The following RBM45 variants were observed in gnomAD, a reference collection of about 807,000 sequenced individuals.
RBM45 encodes the protein RNA binding motif protein 45.
Under a neutral mutation model 58.5 loss-of-function variants are expected in RBM45, and 39 were observed. The ratio of observed to expected loss-of-function variants is 0.67; its 90% confidence interval spans 0.52 to 0.87. The LOEUF (loss-of-function observed/expected upper bound fraction) is 0.87, where lower values mean the gene tolerates loss of function less well. Among genes scored for constraint, RBM45 ranks in the 40% least tolerant of loss-of-function variants. The pLI is 0.00. For synonymous variants in RBM45, 193 were observed against 203.0 expected, an observed-to-expected ratio of 0.95 and a Z score of 0.42; for missense variants, 481 against 581.6, an observed-to-expected ratio of 0.83 and a Z score of 1.78.
chr2:178,137,301 G>T (rs1004727863), exon 4 of RBM45: 2 of 152,138 alleles, frequency 1.3e-5, no homozygotes, highest in Non-Finnish European at 2.9e-5. Context: ...TGGCTCAACC[G>T]CTTGGGAAAA....
At chr2:178,125,828 A>G in intron 8 of RBM45, 156 bp from the exon 9 acceptor site, 1 of 715,806 alleles carries the variant, frequency 1.4e-6, no homozygotes, top group East Asian at 2.7e-5. Context: ...CTGAATGAGA[A>G]TGAATAGAAT....
At chr2:178,118,026 C>A in intron 2 of RBM45, 29 bp from the exon 3 acceptor site, 1 of 1,518,362 alleles carries the variant, frequency 6.6e-7, no homozygotes, top group Non-Finnish European at 8.9e-7. Context: ...TTTTAAGTCC[C>A]CTAAAATCAT....
chr2:178,126,291 A>G, intron 9 of RBM45, 107 bp downstream of exon 9: 1 of 590,534 alleles, frequency 1.7e-6, no homozygotes, highest in Non-Finnish European at 2.7e-6. Context: ...AGAAGTTGTC[A>G]GTTAAAAGAG....
chr2:178,115,779 A>C (rs2087765189), intron 1 of RBM45, among the ~76,000 whole-genome samples: 1 of 152,122 alleles, frequency 6.6e-6, no homozygotes, highest in Admixed American at 6.6e-5. Flanking sequence ...TCTTCAAATT[A>C]CTCTGGCTAA....
chr2:178,123,731 C>T (rs1291227970), intron 6 of RBM45, 80 bp downstream of exon 6: 22 of 1,587,790 alleles, frequency 1.4e-5, no homozygotes, highest in South Asian at 3.5e-5. Flanking sequence ...AAAATAGAAA[C>T]AATTGACCTC....
At chr2:178,135,297 T>C (rs2088036528) in intron 3 of RBM45, among the ~76,000 whole-genome samples, 2 of 152,114 alleles carry the variant, frequency 1.3e-5, no homozygotes, top group African/African-American at 4.8e-5. Flanking sequence ...GAGCCAACAG[T>C]GGCAAAAAAA....
chr2:178,123,917 G>A lies in RBM45; in HGVS notation c.1068+5G>A, dbSNP rs764994490. Reference sequence around the variant, plus strand: ...CCAAGTCAGCAACAATTTATGGTAAGTAGGTAAGAATTTAACCTTTATAAT... The same window carrying A: ...CCAAGTCAGCAACAATTTATGGTAAATAGGTAAGAATTTAACCTTTATAAT... On this transcript the variant is annotated splice_donor_5th_base_variant and intron_variant, in intron 7 of 9. Transcript: ENST00000286070. 1 of 1,611,454 alleles carries A rather than the reference G, an allele frequency of 6.2e-7. No homozygotes were observed. The highest frequency in any genetic ancestry group is 1.7e-5 in the Admixed American group (1 of 59,988).
intron 9 of RBM45, among the ~76,000 whole-genome samples, chr2:178,126,652 TA>T (rs1242141772): frequency 6.6e-6 from 1 of 152,214 alleles, no homozygotes; most frequent in Non-Finnish European, 1.5e-5. Flanking sequence ...TCAAATAATA[TA>T]TCATTTTTGG....
chr2:178,121,035 C>T (rs200032467), intron 4 of RBM45, 145 bp from the exon 5 acceptor site: 2 of 439,952 alleles, frequency 4.5e-6, no homozygotes, highest in African/African-American at 2.0e-5. Flanking sequence ...TTAGTCCCAT[C>T]GGTAGTTCTG....
intron 2 of RBM45, among the ~76,000 whole-genome samples, chr2:178,117,086 G>T (rs1399776744): frequency 2.0e-5 from 3 of 152,028 alleles, no homozygotes; most frequent in Admixed American, 6.6e-5. Context: ...TAATTGTTTT[G>T]AATTGTAGTT....
At chr2:178,136,109 G>A (rs1416268605) in intron 3 of RBM45, among the ~76,000 whole-genome samples, 1 of 152,178 alleles carries the variant, frequency 6.6e-6, no homozygotes, top group Non-Finnish European at 1.5e-5. Context: ...AGGAGATCGA[G>A]ACCATCCTGG....
chr2:178,134,404 A>G (rs1255214740), downstream of RBM45, among the ~76,000 whole-genome samples: 2 of 152,216 alleles, frequency 1.3e-5, no homozygotes, highest in Admixed American at 6.5e-5. Flanking sequence ...CTGTGAAACT[A>G]CGTTCTCTGA....
chr2:178,117,899 CATATTTGCAAATACAAATATGCAATAT>C (rs148604345), intron 2 of RBM45, among the ~76,000 whole-genome samples, 129 bp from the exon 3 acceptor site: 7,822 of 152,210 alleles, frequency 0.051, 277 homozygotes, highest in Middle Eastern at 0.075. Context: ...ATGAAATAAG[CATATTTGCAAATACAAATATGCAATAT>C]CTGCATATTT....
At chr2:178,134,169 C>T (rs190230698), downstream of RBM45, among the ~76,000 whole-genome samples, 293 of 152,228 alleles carry the variant, frequency 1.9e-3, 1 homozygote, top group Non-Finnish European at 2.8e-3. Context: ...GCTAGCTAAC[C>T]TAGGCTATAC....
chr2:178,124,540 G>T (rs908148652), intron 8 of RBM45, among the ~76,000 whole-genome samples: 1 of 152,198 alleles, frequency 6.6e-6, no homozygotes, highest in Non-Finnish European at 1.5e-5. Context: ...TGGGCCTGGT[G>T]CAGTGGCTCA....
In RBM45 at chr2:178,118,213, T is replaced by C. The variant is rs767379091; in HGVS notation, c.550+32T>C. The C allele has an allele frequency of 2.0e-5, 31 of 1,560,870 alleles. No homozygotes were observed. In the East Asian group the frequency reaches 6.3e-4, roughly 32 times the overall value. On this transcript the variant is annotated intron_variant, in intron 3 of 9. Coordinates refer to ENST00000286070, the MANE Select transcript of RBM45 (RefSeq NM_152945.4). Reference sequence around the variant, plus strand: ...ATGTGTTTAACATTGTTAAAAACTTTTGTAAAAAATTCTGATTATTCTAAA... The same window carrying C: ...ATGTGTTTAACATTGTTAAAAACTTCTGTAAAAAATTCTGATTATTCTAAA...
rs775074685 is a variant in RBM45 at position 178,112,584 on chromosome 2, T to C, written c.38T>C (p.Phe13Ser). 4.6e-5 allele frequency: 74 copies of C among 1,600,706 alleles called. No individual in the cohort carries two copies. The highest frequency in any genetic ancestry group is 5.9e-5 in the Non-Finnish European group (69 of 1,173,998). The change falls in exon 1 of 10, where the codon TTC (phenylalanine) becomes TCC (serine). Residue 13 changes from phenylalanine to serine, a missense_variant. Coordinates refer to ENST00000286070, the MANE Select transcript of RBM45 (RefSeq NM_152945.4). ...GGCAGCTCTGCGAGCGGCGGGGGCT[T>C]CCGCCCGGGCGTGGACAGCCTGGAC... The part of the protein sequence containing the change: ...EAGSSASGGG[F>S]RPGVDSLDEP...
intron 9 of RBM45, 35 bp from the exon 10 acceptor site, chr2:178,129,362 A>T (rs1001888856): frequency 2.0e-5 from 3 of 152,588 alleles, no homozygotes; most frequent in African/African-American, 7.2e-5. Flanking sequence ...CTTTCAGGTG[A>T]TGATTTTCAT....
intron 3 of RBM45, among the ~76,000 whole-genome samples, chr2:178,134,964 G>A (rs760327527): frequency 2.6e-5 from 4 of 152,180 alleles, no homozygotes; most frequent in East Asian, 1.9e-4. Context: ...CCAAGATTTC[G>A]CCACTGCACT....
Sources: gnomAD v4.1 joint callset for allele counts (sites outside exome capture counted in the v4.1 genomes callset) on GRCh38, gnomAD v4.1.1 for gene constraint, MANE v1.5 for transcripts, NCBI Gene and HGNC (gene_info 2026-07-23, HGNC 2026-07-21) for gene names.